Variants in SUN1 observed in about 807,000 individuals in gnomAD.
The protein encoded by SUN1 is Sad1 and UNC84 domain containing 1.
A neutral mutation model predicts 103.2 loss-of-function variants in SUN1; 61 were observed. The observed-to-expected ratio is 0.59, with a 90% CI of 0.48 to 0.73. The LOEUF (loss-of-function observed/expected upper bound fraction) is 0.73. Among genes scored for constraint, SUN1 ranks in the 30% least tolerant of loss-of-function variants. The probability of loss-of-function intolerance (pLI) is 0.00; values close to 1 mark genes in which losing one functional copy is unlikely to be tolerated. For synonymous variants in SUN1, 490 were observed against 425.7 expected (o/e 1.15, Z -1.86); for missense variants, 1,052 against 1,034.6 (o/e 1.02, Z -0.23).
chr7:856,080 A>G (rs187436609), intron 11 of SUN1, among the ~76,000 whole-genome samples: 48 of 152,288 alleles, frequency 3.2e-4, no homozygotes, highest in Non-Finnish European at 6.3e-4. Context: ...GAGGTGTGAC[A>G]GGGAGCTGAC....
At chr7:852,163 A>G in intron 7 of SUN1, 120 bp downstream of exon 7, 4 of 923,968 alleles carry the variant, frequency 4.3e-6, no homozygotes, top group Non-Finnish European at 6.6e-6. Context: ...TAGTGTTTGT[A>G]TATTTTACAA....
intron 1 of SUN1, among the ~76,000 whole-genome samples, chr7:834,724 A>C (rs904249485): frequency 6.6e-6 from 1 of 152,184 alleles, no homozygotes; most frequent in African/African-American, 2.4e-5. Context: ...CAATTTCAGT[A>C]AACACTGAAA....
chr7:816,286 C>A (rs1418074786), upstream of SUN1: 1 of 202,454 alleles, frequency 4.9e-6, no homozygotes, highest in Non-Finnish European at 9.6e-6. Flanking sequence ...GCAAACCCCC[C>A]CCAGCAGGTG....
In SUN1 at chr7:821,448, G is replaced by A. The variant is rs116755670; in HGVS notation, c.-74+4775G>A. Reference sequence around the variant, plus strand: ...CTCCCAAAGTGCTGGGATTATAGGCGTGAGCCCGGCCTGGTGACCTGTTTT... The same window carrying A: ...CTCCCAAAGTGCTGGGATTATAGGCATGAGCCCGGCCTGGTGACCTGTTTT... On this transcript the variant is annotated intron_variant, in intron 1 of 17. Transcript: ENST00000389574. Among the ~76,000 whole-genome samples the A allele has an allele frequency of 8.5e-3, 1,301 of 152,236 alleles. 18 individuals are homozygous for A. The highest frequency in any genetic ancestry group is 0.027 in the Middle Eastern group (8 of 294).
chr7:832,195 G>A, upstream of SUN1: 1 of 785,300 alleles, frequency 1.3e-6, no homozygotes, highest in Non-Finnish European at 1.7e-6. Context: ...CTTGAAGAGA[G>A]CTCTGAGTTT....
intron 1 of SUN1, among the ~76,000 whole-genome samples, chr7:819,804 G>A (rs1012629752): frequency 3.3e-5 from 5 of 150,566 alleles, no homozygotes; most frequent in African/African-American, 1.2e-4. Context: ...CGCCTCCCAG[G>A]TTCAAACGCT....
chr7:849,987 G>C (rs763642260), intron 5 of SUN1: 3 of 1,601,980 alleles, frequency 1.9e-6, no homozygotes, highest in Non-Finnish European at 2.5e-6. Context: ...AGTCGCCACG[G>C]CTGCCCGGTC....
At chr7:841,380 A>C (rs1338031904) in intron 2 of SUN1, among the ~76,000 whole-genome samples, 2 of 151,588 alleles carry the variant, frequency 1.3e-5, no homozygotes, top group East Asian at 1.9e-4. Context: ...AGTAGCTGAA[A>C]CTACAGGCGC....
At chr7:845,611 A>C (rs1203716616) in intron 5 of SUN1, among the ~76,000 whole-genome samples, 1 of 151,962 alleles carries the variant, frequency 6.6e-6, no homozygotes, top group Non-Finnish European at 1.5e-5. Context: ...TTGTTTGCAT[A>C]ATCATATTTA....
At chr7:845,957 C>T (rs1258091962) in intron 5 of SUN1, among the ~76,000 whole-genome samples, 9 of 152,148 alleles carry the variant, frequency 5.9e-5, no homozygotes, top group African/African-American at 1.4e-4. Flanking sequence ...GTGGCTGTCC[C>T]GGGGTTCTCC....
At chr7:854,888 C>CCATCATTTGTT in intron 10 of SUN1, 32 bp from the exon 11 acceptor site, 1 of 1,540,252 alleles carries the variant, frequency 6.5e-7, no homozygotes. Flanking sequence ...TTAACTTTCT[C>CCATCATTTGTT]CATCATTTGT....
chr7:862,829 A>G (rs1833225394), intron 15 of SUN1, among the ~76,000 whole-genome samples: 1 of 152,240 alleles, frequency 6.6e-6, no homozygotes, highest in African/African-American at 2.4e-5. Context: ...AATCAGCTAC[A>G]TTAAAATCCC....
chr7:848,752 C>T (rs1406908465), intron 5 of SUN1: 1 of 486,346 alleles, frequency 2.1e-6, no homozygotes, highest in Admixed American at 4.2e-5. Flanking sequence ...CTGGCTTCCC[C>T]CTCTGGATCT....
chr7:845,218 G>A (rs542565481), intron 5 of SUN1, among the ~76,000 whole-genome samples: 2 of 152,204 alleles, frequency 1.3e-5, no homozygotes, highest in Non-Finnish European at 2.9e-5. Context: ...CCTTGCGTTT[G>A]AGTGTATCTT....
chr7:856,129 G>C (rs1827066841), intron 11 of SUN1, among the ~76,000 whole-genome samples: 1 of 152,226 alleles, frequency 6.6e-6, no homozygotes, highest in Non-Finnish European at 1.5e-5. Flanking sequence ...TGCATGTTCT[G>C]AGCCCGCCAG....
At chr7:833,563 G>T (rs572742915) in intron 1 of SUN1, among the ~76,000 whole-genome samples, 1 of 152,026 alleles carries the variant, frequency 6.6e-6, no homozygotes, top group Non-Finnish European at 1.5e-5. Context: ...CACCCACCTC[G>T]GCCTCCCAAA....
At chr7:850,361 G>C (rs955252141) in intron 5 of SUN1, 4 of 251,264 alleles carry the variant, frequency 1.6e-5, no homozygotes, top group Admixed American at 5.1e-5. Flanking sequence ...ACCACACCCA[G>C]ATAATTTTTT....
chr7:848,462 T>TAC (rs1562668360), intron 5 of SUN1: 1 of 1,364,404 alleles, frequency 7.3e-7, no homozygotes, highest in Admixed American at 1.9e-5. Flanking sequence ...GCTGGCCAGA[T>TAC]ACACTGCATC....
chr7:840,711 G>A (rs1282793305), intron 2 of SUN1, among the ~76,000 whole-genome samples: 2 of 143,074 alleles, frequency 1.4e-5, no homozygotes, highest in African/African-American at 2.6e-5. Context: ...GTGCAATCTC[G>A]ACTCACCACA....
Sources: allele counts gnomAD v4.1 joint callset (sites outside exome capture counted in the v4.1 genomes callset), GRCh38; gene constraint gnomAD v4.1.1; transcripts MANE v1.5; gene names NCBI Gene and HGNC (gene_info 2026-07-23, HGNC 2026-07-21).